CNIH3: variants seen among roughly 807,000 people sequenced by gnomAD.
CNIH3 encodes cornichon family AMPA receptor auxiliary protein 3.
CNIH3 carries 14 observed loss-of-function variants against 24.1 expected under a neutral mutation model. That is an observed-to-expected ratio of 0.58 (90% CI 0.38 to 0.91). The LOEUF (loss-of-function observed/expected upper bound fraction) is 0.91. Among genes scored for constraint, CNIH3 ranks in the 40% least tolerant of loss-of-function variants. CNIH3 has a pLI of 0.00. For missense variants in CNIH3, 178 were observed against 196.8 expected, an observed-to-expected ratio of 0.90 and a Z score of 0.57; for synonymous variants, 68 against 73.8, an observed-to-expected ratio of 0.92 and a Z score of 0.40.
At chr1:224,491,517 T>G (rs1195609463) in intron 1 of CNIH3, among the ~76,000 whole-genome samples, 1 of 152,240 alleles carries the variant, frequency 6.6e-6, no homozygotes, top group Non-Finnish European at 1.5e-5. Flanking sequence ...ACTTATCTCT[T>G]ACTAATTATT....
At chr1:224,657,128 A>G (rs1214610647) in intron 1 of CNIH3, among the ~76,000 whole-genome samples, 3 of 152,122 alleles carry the variant, frequency 2.0e-5, no homozygotes, top group African/African-American at 7.2e-5. Context: ...TATCATTGCC[A>G]GGGTGGTATG....
At chr1:224,473,222 A>G (rs1319441753) in intron 1 of CNIH3, among the ~76,000 whole-genome samples, 1 of 152,230 alleles carries the variant, frequency 6.6e-6, no homozygotes, top group African/African-American at 2.4e-5. Flanking sequence ...AACATACCAC[A>G]AGAAAATCAT....
At chr1:224,580,575 C>T (rs1681230984) in intron 4 of CNIH3, among the ~76,000 whole-genome samples, 1 of 151,882 alleles carries the variant, frequency 6.6e-6, no homozygotes, top group Non-Finnish European at 1.5e-5. Context: ...GGCCAGTAAT[C>T]CCAGCACTTT....
chr1:224,446,941 C>T (rs1675190202), intron 1 of CNIH3, among the ~76,000 whole-genome samples: 1 of 152,072 alleles, frequency 6.6e-6, no homozygotes, highest in African/African-American at 2.4e-5. Context: ...TGCCTTCTAG[C>T]CTGGGTGCCC....
chr1:224,645,499 C>T (rs758939344), intron 1 of CNIH3, among the ~76,000 whole-genome samples: 8 of 152,276 alleles, frequency 5.3e-5, no homozygotes, highest in Non-Finnish European at 1.2e-4. Flanking sequence ...GCGTTTCCAG[C>T]CCTCTGAAGG....
At chr1:224,479,355 C>T (rs866497521) in intron 1 of CNIH3, among the ~76,000 whole-genome samples, 3 of 151,958 alleles carry the variant, frequency 2.0e-5, no homozygotes, top group African/African-American at 2.4e-5. Flanking sequence ...AGTTTCTCCA[C>T]GTTGGTCAGG....
intron 5 of CNIH3, 76 bp downstream of exon 5, chr1:224,734,782 CGT>C: frequency 6.6e-7 from 1 of 1,526,458 alleles, no homozygotes; most frequent in Non-Finnish European, 9.0e-7. Context: ...CTCTGGGAGG[CGT>C]CCTTTGGGAG....
intron 3 of CNIH3, among the ~76,000 whole-genome samples, chr1:224,710,008 A>G (rs1688050264): frequency 6.6e-6 from 1 of 152,230 alleles, no homozygotes; most frequent in Non-Finnish European, 1.5e-5. Context: ...ATTAATAACT[A>G]ATAAAATAGA....
intron 3 of CNIH3, among the ~76,000 whole-genome samples, chr1:224,720,587 G>A (rs931024724): frequency 3.9e-5 from 6 of 152,190 alleles, no homozygotes; most frequent in Non-Finnish European, 1.5e-5. Flanking sequence ...TCTCAGCTGT[G>A]CTAAATTCCC....
intron 1 of CNIH3, among the ~76,000 whole-genome samples, chr1:224,459,556 A>G (rs996905123): frequency 2.6e-5 from 4 of 151,980 alleles, no homozygotes; most frequent in African/African-American, 9.7e-5. Context: ...AATAAAATAG[A>G]TCTGTTTGTG....
At chr1:224,617,337 C>A (rs1339963854) in intron 1 of CNIH3, 82 bp downstream of exon 1, 1 of 1,454,772 alleles carries the variant, frequency 6.9e-7, no homozygotes, top group East Asian at 2.3e-5. Context: ...TTCCACCTTG[C>A]GGGCGTGGGC....
At chr1:224,451,687 G>A (rs1316981275) in intron 1 of CNIH3, among the ~76,000 whole-genome samples, 1 of 152,198 alleles carries the variant, frequency 6.6e-6, no homozygotes, top group Non-Finnish European at 1.5e-5. Context: ...GGCCCAGAAT[G>A]ATTAGATCTT....
At chr1:224,737,158 G>A (rs968486324) in intron 5 of CNIH3, among the ~76,000 whole-genome samples, 13 of 150,056 alleles carry the variant, frequency 8.7e-5, no homozygotes, top group East Asian at 2.0e-4. Context: ...CCGAGGCGTC[G>A]CAGGGAAGAA....
At chr1:224,687,230 T>C (rs6696767) in intron 3 of CNIH3, among the ~76,000 whole-genome samples, 11 of 152,310 alleles carry the variant, frequency 7.2e-5, no homozygotes, top group Middle Eastern at 3.4e-3. Flanking sequence ...GCCATGTACC[T>C]ACAACTTTAT....
intron 1 of CNIH3, among the ~76,000 whole-genome samples, chr1:224,675,024 A>T (rs906952237): frequency 1.3e-5 from 2 of 152,142 alleles, no homozygotes; most frequent in Non-Finnish European, 2.9e-5. Context: ...GACCTCAGTT[A>T]TGCCTCTTGG....
chr1:224,737,460 T>G (rs1394880352), intron 5 of CNIH3, among the ~76,000 whole-genome samples: 2 of 152,178 alleles, frequency 1.3e-5, no homozygotes, highest in African/African-American at 4.8e-5. Flanking sequence ...CCACATTCTT[T>G]GTTGAATCTG....
rs1161782056 is a variant in CNIH3 at position 224,651,504 on chromosome 1, GC to G, written c.82-29452del. Among the ~76,000 whole-genome samples, 18 of 152,194 alleles carry G rather than the reference GC, an allele frequency of 1.2e-4. 1 individual carries two copies. In the South Asian group the frequency reaches 2.1e-3, roughly 18 times the overall value. On this transcript the variant is annotated intron_variant, in intron 1 of 5. Transcript: ENST00000272133. ...CACTGTCCCCTCCATTCTCAGGGTT[GC>G]CGGTGTTAGCAACCTGGTGTATATC... is the stretch of plus-strand genomic sequence containing the variant.
intron 3 of CNIH3, among the ~76,000 whole-genome samples, chr1:224,554,403 C>T (rs1043457582): frequency 6.6e-6 from 1 of 152,094 alleles, no homozygotes; most frequent in African/African-American, 2.4e-5. Flanking sequence ...CATGTACAGT[C>T]ACCCCTCTGT....
intron 1 of CNIH3, among the ~76,000 whole-genome samples, chr1:224,471,750 T>G (rs1376917536): frequency 6.6e-6 from 1 of 151,948 alleles, no homozygotes; most frequent in African/African-American, 2.4e-5. Flanking sequence ...CCACCATGCC[T>G]GGCTAATTTT....
Sources: gnomAD v4.1 joint callset for allele counts (sites outside exome capture counted in the v4.1 genomes callset) on GRCh38, gnomAD v4.1.1 for gene constraint, MANE v1.5 for transcripts, NCBI Gene and HGNC (gene_info 2026-07-23, HGNC 2026-07-21) for gene names.